The following PDE4B variants were observed in gnomAD, a reference collection of about 807,000 sequenced individuals.
PDE4B encodes 3',5'-cyclic-AMP phosphodiesterase 4B.
In PDE4B, 20 loss-of-function variants were observed where a neutral mutation model predicts 82.2. The ratio of observed to expected loss-of-function variants is 0.24; its 90% CI spans 0.17 to 0.35. The LOEUF is 0.35. Among genes scored for constraint, PDE4B ranks in the 10% least tolerant of loss-of-function variants. The probability of loss-of-function intolerance (pLI) is 1.00; values close to 1 mark genes in which losing one functional copy is unlikely to be tolerated. For synonymous variants in PDE4B, 320 were observed against 318.9 expected (o/e 1.00, Z -0.04); for missense variants, 655 against 907.2 (o/e 0.72, Z 3.57).
intron 3 of PDE4B, among the ~76,000 whole-genome samples, chr1:66,081,231 C>T (rs528249106): frequency 1.3e-5 from 2 of 152,168 alleles, no homozygotes; most frequent in South Asian, 2.1e-4. Flanking sequence ...CTAACATTGG[C>T]ATCAATTGAG....
intron 7 of PDE4B, among the ~76,000 whole-genome samples, chr1:66,314,781 G>A (rs547130852): frequency 5.3e-5 from 8 of 152,146 alleles, no homozygotes; most frequent in Non-Finnish European, 8.8e-5. Flanking sequence ...CATTTTGGCC[G>A]CCATGCCATT....
chr1:66,332,637 T>C lies in PDE4B; in HGVS notation c.747+17T>C, dbSNP rs1346866313. The C allele has an allele frequency of 6.2e-7, 1 of 1,610,746 alleles. No individual in the cohort carries two copies. The highest frequency in any genetic ancestry group is 8.5e-7 in the Non-Finnish European group (1 of 1,177,806). ...TCTAACAAGGTAAGAGATGATCTTT[T>C]TATTCATTAAAGTGTGATCATGCAG... On this transcript the variant is annotated intron_variant, in intron 8 of 16. Transcript: ENST00000341517.
intron 1 of PDE4B, among the ~76,000 whole-genome samples, chr1:65,893,243 A>G (rs890961405): frequency 8.5e-5 from 13 of 152,160 alleles, no homozygotes; most frequent in Non-Finnish European, 1.6e-4. Flanking sequence ...TCCTAAATTT[A>G]TATTAAAATG....
intron 3 of PDE4B, among the ~76,000 whole-genome samples, chr1:66,030,534 G>C (rs1406550104): frequency 1.3e-5 from 2 of 152,100 alleles, no homozygotes; most frequent in Non-Finnish European, 2.9e-5. Context: ...GATTCAATTT[G>C]TGAACTTTTT....
chr1:66,272,757 C>A (rs1655593210), intron 7 of PDE4B, among the ~76,000 whole-genome samples: 1 of 145,236 alleles, frequency 6.9e-6, no homozygotes, highest in Non-Finnish European at 1.5e-5. Flanking sequence ...TCTAAACCAG[C>A]TTCCATTCTG....
At chr1:65,869,140 C>T (rs556385171) in intron 1 of PDE4B, among the ~76,000 whole-genome samples, 2 of 152,286 alleles carry the variant, frequency 1.3e-5, no homozygotes, top group South Asian at 4.1e-4. Context: ...TATAATCAGA[C>T]AATTTTGGAA....
At chr1:66,107,169 G>T (rs4442347) in intron 3 of PDE4B, among the ~76,000 whole-genome samples, 9,341 of 151,530 alleles carry the variant, frequency 0.062, 417 homozygotes, top group South Asian at 0.17. Flanking sequence ...AAGAACATCT[G>T]TATTTCTGCC....
chr1:65,825,509 G>C (rs913643770), intron 1 of PDE4B, among the ~76,000 whole-genome samples: 1 of 152,018 alleles, frequency 6.6e-6, no homozygotes, highest in African/African-American at 2.4e-5. Flanking sequence ...ATCACATGTT[G>C]AAAGAGTCTA....
chr1:66,077,476 T>G (rs1196881637), intron 3 of PDE4B, among the ~76,000 whole-genome samples: 1 of 152,262 alleles, frequency 6.6e-6, no homozygotes, highest in East Asian at 1.9e-4. Flanking sequence ...CTTTATATGT[T>G]GAAAGTTCCT....
At chr1:66,124,591 C>A (rs1369887692) in intron 3 of PDE4B, among the ~76,000 whole-genome samples, 1 of 152,102 alleles carries the variant, frequency 6.6e-6, no homozygotes, top group Non-Finnish European at 1.5e-5. Flanking sequence ...TTTTTAATGG[C>A]TGAACTAGAC....
rs759038468 is a variant in PDE4B at position 66,247,663 on chromosome 1, A to T, written c.476+9A>T. ...TCTCTTCCAAGCGAGCAGTAAGTAC[A>T]AGCTCTGTCTGGCTTCCAGTTTCAC... On this transcript the variant is annotated intron_variant, in intron 4 of 16. Coordinates refer to ENST00000341517, the MANE Select transcript of PDE4B (RefSeq NM_002600.4). 3.8e-5 allele frequency: 59 copies of T among 1,553,586 alleles called. No individual in the cohort carries two copies. The South Asian group carries it at 6.1e-4, about 16-fold the overall frequency.
At chr1:65,836,992 G>A (rs1481949891) in intron 1 of PDE4B, among the ~76,000 whole-genome samples, 1 of 151,886 alleles carries the variant, frequency 6.6e-6, no homozygotes, top group African/African-American at 2.4e-5. Flanking sequence ...TTTTACTTCC[G>A]CCATACTTCC....
intron 1 of PDE4B, among the ~76,000 whole-genome samples, chr1:65,798,299 C>T (rs575297021): frequency 0.016 from 715 of 45,352 alleles, 156 homozygotes; most frequent in South Asian, 0.068. Context: ...TCGCCCAGGT[C>T]GGACTGCGGA....
rs539528369 is a variant in PDE4B at position 66,075,859 on chromosome 1, A to G, written c.281+157024A>G. On this transcript the variant is annotated intron_variant, in intron 3 of 16. Coordinates refer to ENST00000341517, the MANE Select transcript of PDE4B (RefSeq NM_002600.4). ...CTAAATTTTTATATGATGATCTTCT[A>G]TGTTTTTAATGCCGGCAACTCATTC... Among the ~76,000 whole-genome samples the G allele has an allele frequency of 5.3e-5, 8 of 152,164 alleles. No individual in the cohort carries two copies. In the South Asian group the frequency reaches 1.5e-3, roughly 28 times the overall value.
chr1:66,212,131 A>T (rs989086260), intron 3 of PDE4B, among the ~76,000 whole-genome samples: 2 of 152,164 alleles, frequency 1.3e-5, no homozygotes, highest in African/African-American at 4.8e-5. Context: ...TATATCACAC[A>T]AGGTTCAGCC....
At chr1:65,802,815 A>G (rs1645708737) in intron 1 of PDE4B, among the ~76,000 whole-genome samples, 2 of 152,160 alleles carry the variant, frequency 1.3e-5, no homozygotes. Flanking sequence ...TGACTGATAT[A>G]TGAAACTGAG....
chr1:65,863,382 T>C (rs1571032804), intron 1 of PDE4B, among the ~76,000 whole-genome samples: 2 of 152,332 alleles, frequency 1.3e-5, no homozygotes, highest in South Asian at 2.1e-4. Flanking sequence ...TATGTTATGA[T>C]TTATGTTCTC....
At chr1:66,042,567 A>G (rs1426273321) in intron 3 of PDE4B, 2 of 151,792 alleles carry the variant, frequency 1.3e-5, no homozygotes, top group Non-Finnish European at 2.9e-5. Flanking sequence ...AAGAAAGTAT[A>G]AGGCATGGCC....
chr1:66,235,796 T>C (rs1652363543), intron 3 of PDE4B, among the ~76,000 whole-genome samples: 1 of 152,234 alleles, frequency 6.6e-6, no homozygotes. Context: ...ACAAGTTAAA[T>C]TTAACAGAGT....
Sources: gnomAD v4.1 joint callset for allele counts (sites outside exome capture counted in the v4.1 genomes callset) on GRCh38, gnomAD v4.1.1 for gene constraint, MANE v1.5 for transcripts, NCBI Gene and HGNC (gene_info 2026-07-23, HGNC 2026-07-21) for gene names.